RHCE: variants seen among roughly 807,000 people sequenced by gnomAD.
RHCE encodes blood group Rh(CE) polypeptide.
RHCE carries 22 observed loss-of-function variants against 43.8 expected under a neutral mutation model. The ratio of observed to expected loss-of-function variants is 0.50; its 90% CI spans 0.36 to 0.72. RHCE has a LOEUF of 0.72. RHCE is among the 30% of genes least tolerant of loss of function. The pLI, the probability that RHCE is intolerant of heterozygous loss-of-function variation, is 0.00. For synonymous variants in RHCE, 156 were observed against 210.7 expected (o/e 0.74, Z 2.25); for missense variants, 385 against 525.4 (o/e 0.73, Z 2.61).
At chr1:25,421,334 G>A (rs752686025), upstream of RHCE, among the ~76,000 whole-genome samples, 2 of 152,210 alleles carry the variant, frequency 1.3e-5, no homozygotes. Context: ...TAGGACCCAC[G>A]TAGAATTGAC....
intron 7 of RHCE, among the ~76,000 whole-genome samples, chr1:25,377,642 T>C (rs765994493): frequency 2.4e-4 from 37 of 152,102 alleles, no homozygotes; most frequent in Non-Finnish European, 4.9e-4. Flanking sequence ...ACACCTGTAA[T>C]CCTGGCACTT....
At chr1:25,377,673 A>C (rs1160367722) in intron 7 of RHCE, among the ~76,000 whole-genome samples, 1 of 152,214 alleles carries the variant, frequency 6.6e-6, no homozygotes, top group Non-Finnish European at 1.5e-5. Context: ...AGGTGGGCCA[A>C]AGTTGAGGCT....
Position 25,370,721 on chromosome 1 carries a change from C to CT in RHCE, c.1154-182dup, listed in dbSNP as rs561909397. 2.3e-4 allele frequency among the ~76,000 whole-genome samples: 32 copies of CT among 141,322 alleles called. 1 individual carries two copies. Among genetic ancestry groups the CT allele is most frequent in the Admixed American group, 1.1e-3 (15 of 13,934 alleles). The allele number at this position is 141,322 out of a possible 152,430, so 92.7% of individuals were successfully genotyped here. A position where few individuals can be genotyped will look rare whatever the true frequency, so the allele number is the denominator to read the frequency against. ...TCCTGGACCAGCTTAATTCTGTAGA[C>CT]TATTTTATTTTATTTTATTTTATTT... On this transcript the variant is annotated intron_variant, in intron 8 of 9. Coordinates refer to ENST00000294413, the MANE Select transcript of RHCE (RefSeq NM_020485.8).
At chr1:25,390,304 G>A (rs1380354922) in intron 5 of RHCE, among the ~76,000 whole-genome samples, 3 of 152,142 alleles carry the variant, frequency 2.0e-5, no homozygotes, top group Admixed American at 1.3e-4. Context: ...GACTCAAAAC[G>A]TTGAAGTGGC....
At position 25,406,439 on chromosome 1, in the gene RHCE, A is replaced by G. The variant is rs182490472; in HGVS notation, c.335+2244T>C. Among the ~76,000 whole-genome samples the G allele has an allele frequency of 1.4e-3, 167 of 117,206 alleles. 19 individuals carry two copies. Among genetic ancestry groups the G allele is most frequent in the African/African-American group, 3.9e-3 (151 of 38,290 alleles). The allele number at this position is 117,206 out of a possible 152,430, so 76.9% of individuals were successfully genotyped here. A position where few individuals can be genotyped will look rare whatever the true frequency, so the allele number is the denominator to read the frequency against. ...GTGATTCGCCTGCCTCAGCCTCCCA[A>G]GTAGCTGGGATTACAGGTGCCTGCC... On this transcript the variant is annotated intron_variant, in intron 2 of 9. Transcript: ENST00000294413.
chr1:25,421,056 T>G, upstream of RHCE: 2 of 463,280 alleles, frequency 4.3e-6, no homozygotes, highest in Non-Finnish European at 8.1e-6. Flanking sequence ...GTGCTCAGTT[T>G]GAAAGAGGGC....
At chr1:25,396,835 C>T (rs1256576097) in intron 3 of RHCE, among the ~76,000 whole-genome samples, 1 of 151,780 alleles carries the variant, frequency 6.6e-6, no homozygotes, top group East Asian at 1.9e-4. Flanking sequence ...ACACTGAGGC[C>T]GGTTATGGTG....
chr1:25,410,081 G>C (rs1217299981), intron 1 of RHCE, among the ~76,000 whole-genome samples: 2 of 152,134 alleles, frequency 1.3e-5, no homozygotes, highest in Middle Eastern at 3.4e-3. Flanking sequence ...ATTTTTAATA[G>C]AGAAGGGGTT....
intron 3 of RHCE, among the ~76,000 whole-genome samples, chr1:25,401,832 C>T (rs1183334432): frequency 2.6e-5 from 4 of 152,006 alleles, no homozygotes; most frequent in African/African-American, 9.7e-5. Flanking sequence ...ACTTTTGTAA[C>T]CTCATTTGGG....
chr1:25,425,760 C>T (rs1433478240), upstream of RHCE, among the ~76,000 whole-genome samples: 1 of 152,200 alleles, frequency 6.6e-6, no homozygotes, highest in East Asian at 1.9e-4. Flanking sequence ...ACACCAGACT[C>T]CCTGAGAATA....
At chr1:25,421,485 T>G (rs1026519461), upstream of RHCE, among the ~76,000 whole-genome samples, 11 of 152,160 alleles carry the variant, frequency 7.2e-5, no homozygotes, top group Non-Finnish European at 1.5e-4. Flanking sequence ...GGGATCCTGA[T>G]CCAGCCTTAG....
At chr1:25,397,873 C>T (rs1441866022) in intron 3 of RHCE, among the ~76,000 whole-genome samples, 2 of 144,088 alleles carry the variant, frequency 1.4e-5, no homozygotes, top group African/African-American at 5.1e-5. Context: ...TCCTATCTGT[C>T]CGGCTCACTT....
At chr1:25,379,474 TATATATATATATATATATA>T (rs1252061163) in intron 7 of RHCE, among the ~76,000 whole-genome samples, 37 of 7,846 alleles carry the variant, frequency 4.7e-3, no homozygotes, top group African/African-American at 0.022. Context: ...TATATATATA[TATATATATATATATATATA>T]TATTTTTTTT....
chr1:25,394,450 T>G (rs1164767601), intron 3 of RHCE, among the ~76,000 whole-genome samples: 1 of 152,136 alleles, frequency 6.6e-6, no homozygotes, highest in Non-Finnish European at 1.5e-5. Flanking sequence ...ACCCCCTTGA[T>G]GAGATGAAGC....
At chr1:25,402,890 G>A (rs996529766) in intron 2 of RHCE, 144 bp from the exon 3 acceptor site, 8 of 1,195,610 alleles carry the variant, frequency 6.7e-6, no homozygotes, top group African/African-American at 1.5e-5. Context: ...CCACCTGGGC[G>A]CTGATGCTGC....
chr1:25,417,816 C>A (rs184081500), intron 1 of RHCE, among the ~76,000 whole-genome samples: 118 of 152,264 alleles, frequency 7.7e-4, no homozygotes, highest in Non-Finnish European at 1.5e-3. Flanking sequence ...TTGAAGCCCT[C>A]GGGTCAATAC....
At chr1:25,386,628 AT>A (rs1441715693) in intron 6 of RHCE, among the ~76,000 whole-genome samples, 1 of 152,150 alleles carries the variant, frequency 6.6e-6, no homozygotes, top group East Asian at 1.9e-4. Flanking sequence ...CAAGACCAGC[AT>A]GGCCAACATG....
intron 2 of RHCE, among the ~76,000 whole-genome samples, chr1:25,404,147 G>A (rs565404767): frequency 1.9e-4 from 24 of 125,662 alleles, no homozygotes; most frequent in East Asian, 4.5e-4. Context: ...CAGCCTGGGC[G>A]ACAGAGTAAG....
chr1:25,411,486 A>G (rs1647076603), intron 1 of RHCE: 1 of 1,544,472 alleles, frequency 6.5e-7, no homozygotes, highest in Non-Finnish European at 8.7e-7. Context: ...GGTCTGCCAG[A>G]GAGGACAAGG....
Sources: allele counts gnomAD v4.1 joint callset (sites outside exome capture counted in the v4.1 genomes callset), GRCh38; gene constraint gnomAD v4.1.1; transcripts MANE v1.5; gene names NCBI Gene and HGNC (gene_info 2026-07-23, HGNC 2026-07-21).